C9: variants seen among roughly 807,000 people sequenced by gnomAD.
C9 encodes the protein complement C9, also known as complement component C9.
In C9, 63 loss-of-function variants were observed where a neutral mutation model predicts 65.4. The observed-to-expected ratio is 0.96, with a 90% CI of 0.79 to 1.19. C9 has a LOEUF of 1.19. C9 is among the 50% of genes most tolerant of loss of function. C9 has a pLI of 0.00. For synonymous variants in C9, 229 were observed against 227.9 expected (o/e 1.00, Z -0.04); for missense variants, 744 against 670.1 (o/e 1.11, Z -1.22).
chr5:39,341,037 G>C, intron 4 of C9, 109 bp downstream of exon 4: 1 of 1,186,038 alleles, frequency 8.4e-7, no homozygotes, highest in Non-Finnish European at 1.3e-6. Context: ...CCCATCAGCT[G>C]TATCACCTAT....
At chr5:39,324,585 GC>G (rs1005990902) in intron 5 of C9, among the ~76,000 whole-genome samples, 2 of 152,138 alleles carry the variant, frequency 1.3e-5, no homozygotes, top group African/African-American at 4.8e-5. Flanking sequence ...TTCTCACTAT[GC>G]CAGAATGGTA....
intron 9 of C9, 85 bp downstream of exon 9, chr5:39,306,532 T>G: frequency 9.2e-7 from 1 of 1,083,596 alleles, no homozygotes; most frequent in Non-Finnish European, 1.4e-6. Flanking sequence ...CTCTTTCAGA[T>G]GAAGCTAACA....
Position 39,311,259 on chromosome 5 carries a change from T to G in C9, c.989A>C (p.Tyr330Ser). The change falls in exon 7 of 11, where the codon TAT (tyrosine) becomes TCT (serine). Residue 330 changes from tyrosine to serine, a missense_variant. Physicochemically the swap from Tyr to Ser is moderately radical, Grantham distance 144. Transcript: ENST00000263408. ...AAAGGCAAAATATTCTCCCTTTTCA[T>G]AGGTAGTTGGCAAAGCTTTTATATC... ...VDDIKALPTT[Y>S]EKGEYFAFLE... The G allele has an allele frequency of 6.2e-7, 1 of 1,613,844 alleles. No individual in the cohort carries two copies. The highest frequency in any genetic ancestry group is 8.5e-7 in the Non-Finnish European group (1 of 1,179,786).
At chr5:39,315,746 A>C in intron 6 of C9, 29 bp downstream of exon 6, 1 of 1,519,304 alleles carries the variant, frequency 6.6e-7, no homozygotes, top group South Asian at 1.1e-5. Context: ...GAACCTTTCT[A>C]TATTCCTATA....
intron 1 of C9, among the ~76,000 whole-genome samples, chr5:39,342,910 T>C (rs566791760): frequency 3.3e-5 from 5 of 152,268 alleles, no homozygotes; most frequent in African/African-American, 1.2e-4. Context: ...TCTCTTCTGG[T>C]TGAAATATCA....
intron 1 of C9, among the ~76,000 whole-genome samples, chr5:39,352,650 C>T (rs953912313): frequency 6.6e-6 from 1 of 152,174 alleles, no homozygotes; most frequent in Non-Finnish European, 1.5e-5. Flanking sequence ...TTCTCTTCAT[C>T]TCTTTCAGAT....
In C9 at chr5:39,331,834, T is replaced by C; in HGVS notation, c.477-20A>G. Reference sequence around the variant, plus strand: ...TTGATCCTGAGAATGAACAGAGTAGTATCAGAAGTGGAAATACCACAACAC... The same window carrying C: ...TTGATCCTGAGAATGAACAGAGTAGCATCAGAAGTGGAAATACCACAACAC... On this transcript the variant is annotated intron_variant, in intron 4 of 10. Transcript: ENST00000263408. 6.2e-7 allele frequency: 1 copy of C among 1,611,220 alleles called. No homozygotes were observed. Among genetic ancestry groups the C allele is most frequent in the Non-Finnish European group, 8.5e-7 (1 of 1,177,414 alleles).
In C9 at chr5:39,331,736, C is replaced by A; in HGVS notation, c.555G>T (p.Arg185=). ...GGTAGTATGTCAGAGTGTTTCCATC[C>A]CGATCCCGGTTACAGAGTCCATTGT... ...EFYNGLCNRD[R]DGNTLTYYRR... The change falls in exon 5 of 11, where the codon CGG becomes CGT. Residue 185 remains arginine (R), a synonymous_variant. Coordinates refer to ENST00000263408, the MANE Select transcript of C9 (RefSeq NM_001737.5). 1 of 1,613,640 alleles carries A rather than the reference C, an allele frequency of 6.2e-7. No individual in the cohort carries two copies. The highest frequency in any genetic ancestry group is 2.2e-5 in the East Asian group (1 of 44,870).
chr5:39,287,451 G>A (rs996725174), intron 10 of C9, among the ~76,000 whole-genome samples: 1 of 151,900 alleles, frequency 6.6e-6, no homozygotes, highest in Admixed American at 6.6e-5. Context: ...TCTACCGAGA[G>A]GAAAATAATC....
chr5:39,349,333 A>G (rs958219326), intron 1 of C9, among the ~76,000 whole-genome samples: 3 of 152,158 alleles, frequency 2.0e-5, no homozygotes, highest in Non-Finnish European at 2.9e-5. Flanking sequence ...TGTAATATAA[A>G]GTGTTCAAGC....
At chr5:39,340,651 C>G (rs1270404894) in intron 4 of C9, among the ~76,000 whole-genome samples, 7 of 152,234 alleles carry the variant, frequency 4.6e-5, no homozygotes. Flanking sequence ...TAATCATCCT[C>G]TGGCATCAAA....
At chr5:39,349,266 A>T (rs928712693) in intron 1 of C9, among the ~76,000 whole-genome samples, 1 of 151,578 alleles carries the variant, frequency 6.6e-6, no homozygotes, top group Non-Finnish European at 1.5e-5. Context: ...AGAGACTCTG[A>T]TTCATTGAAT....
rs758934861 is a variant in C9, at chr5:39,311,201, A to C, written c.1047T>G (p.Ser349=). The change falls in exon 7 of 11, where the codon TCT becomes TCG. Residue 349 remains serine, a synonymous_variant. Transcript: ENST00000263408. The stretch of plus-strand genomic sequence containing the variant: ...GTTCATAGAGTCCTCCTAGAGACCC[A>C]GAGCTACTGTAGTGAGTTCCATAGG... ...LETYGTHYSS[S]GSLGGLYELI... is the part of the protein sequence containing the mutation. 1.2e-6 allele frequency: 2 copies of C among 1,613,040 alleles called. No individual in the cohort carries two copies. The highest frequency in any genetic ancestry group is 3.3e-5 in the Admixed American group (2 of 59,996).
At chr5:39,355,462 T>TA (rs1754399124) in intron 1 of C9, among the ~76,000 whole-genome samples, 1 of 14,464 alleles carries the variant, frequency 6.9e-5, no homozygotes, top group Non-Finnish European at 1.3e-3. Context: ...CTCCTTTTTG[T>TA]TTTTTTTTAT....
intron 5 of C9, among the ~76,000 whole-genome samples, chr5:39,324,847 G>A (rs528316185): frequency 1.3e-5 from 2 of 152,254 alleles, no homozygotes; most frequent in Admixed American, 6.5e-5. Context: ...TATGAGTACT[G>A]AATAAACAGA....
intron 5 of C9, among the ~76,000 whole-genome samples, chr5:39,317,261 G>A (rs775884479): frequency 8.6e-5 from 13 of 151,278 alleles, no homozygotes; most frequent in Non-Finnish European, 8.8e-5. Context: ...TTTGTCAGAT[G>A]GATAGATTGC....
rs562749279 is a variant in C9 at position 39,358,521 on chromosome 5, C to G, written c.77+5867G>C. 3.9e-5 allele frequency among the ~76,000 whole-genome samples: 6 copies of G among 152,248 alleles called. No individual in the cohort carries two copies. In the South Asian group the frequency reaches 1.2e-3, roughly 32 times the overall value. On this transcript the variant is annotated intron_variant, in intron 1 of 10. Coordinates refer to ENST00000263408, the MANE Select transcript of C9 (RefSeq NM_001737.5). ...AGGAATACTTAGAAGAGTTGGAGAG[C>G]AGAAGTAACACAAGTTTGTGTTTTC...
chr5:39,311,558 T>C (rs921812136), intron 6 of C9, among the ~76,000 whole-genome samples, 181 bp from the exon 7 acceptor site: 6 of 152,136 alleles, frequency 3.9e-5, no homozygotes, highest in African/African-American at 1.4e-4. Flanking sequence ...CTGATGAGAA[T>C]GTGCAGTGAC....
In C9 at chr5:39,288,672, C is replaced by A. The variant is rs113986306; in HGVS notation, c.1645+51G>T. On this transcript the variant is annotated intron_variant, in intron 10 of 10. Transcript: ENST00000263408. ...AAGAGCTAGTTTTCAAATTAGATAA[C>A]CCCAAAGTGCATATTTTTGTCTTTA... 5,423 of 955,944 alleles carry A rather than the reference C, an allele frequency of 5.7e-3. 169 individuals carry two copies. The African/African-American group carries it at 0.07, about 12-fold the overall frequency. The allele number at this position is 955,944 out of a possible 1,614,324, so 59.2% of individuals were successfully genotyped here.
Sources: gnomAD v4.1 joint callset for allele counts (sites outside exome capture counted in the v4.1 genomes callset) on GRCh38, gnomAD v4.1.1 for gene constraint, MANE v1.5 for transcripts, NCBI Gene and HGNC (gene_info 2026-07-23, HGNC 2026-07-21) for gene names.